The following TENM4 variants were observed in gnomAD, a reference collection of about 807,000 sequenced individuals.
TENM4 encodes the protein teneurin-4.
In TENM4, 82 loss-of-function variants were observed where a neutral mutation model predicts 243.3. The observed-to-expected ratio is 0.34, with a 90% CI of 0.28 to 0.40. The LOEUF is 0.40. Ranked by LOEUF, TENM4 falls within the 10% of genes least tolerant of loss-of-function variation. TENM4 has a pLI of 1.00. For synonymous variants in TENM4, 1,412 were observed against 1,456.3 expected (o/e 0.97, Z 0.69); for missense variants, 3,138 against 3,673.3 (o/e 0.85, Z 3.77).
At chr11:79,348,487 C>G (rs76164233) in intron 1 of TENM4, among the ~76,000 whole-genome samples, 111 of 152,296 alleles carry the variant, frequency 7.3e-4, no homozygotes, top group African/African-American at 2.6e-3. Flanking sequence ...TAGTTACAGA[C>G]AGAATGATTG....
chr11:78,950,979 G>A (rs1009339507), intron 6 of TENM4, among the ~76,000 whole-genome samples: 1 of 152,206 alleles, frequency 6.6e-6, no homozygotes, highest in Non-Finnish European at 1.5e-5. Context: ...GCTGTCCAAA[G>A]GTGTGATCAG....
chr11:79,062,311 C>T (rs1444889211), intron 6 of TENM4, among the ~76,000 whole-genome samples: 1 of 152,170 alleles, frequency 6.6e-6, no homozygotes, highest in Non-Finnish European at 1.5e-5. Context: ...TCCTCTTGCA[C>T]ACCTTCATCT....
chr11:79,164,316 T>C (rs1261458206), intron 3 of TENM4, among the ~76,000 whole-genome samples: 1 of 128,704 alleles, frequency 7.8e-6, no homozygotes, highest in East Asian at 2.2e-4. Context: ...TATATAGATA[T>C]ACTAGTATAT....
chr11:79,304,695 C>T (rs1379373654), intron 1 of TENM4, among the ~76,000 whole-genome samples: 1 of 152,192 alleles, frequency 6.6e-6, no homozygotes, highest in Non-Finnish European at 1.5e-5. Flanking sequence ...TACCAACCTA[C>T]CGTGGCTTAG....
chr11:79,291,678 C>T (rs983712619), intron 2 of TENM4, among the ~76,000 whole-genome samples: 1 of 152,170 alleles, frequency 6.6e-6, no homozygotes, highest in African/African-American at 2.4e-5. Context: ...CTTCAGTGTC[C>T]AGCTTCCAGG....
In TENM4 at chr11:79,098,224, C is replaced by G. The variant is rs538005663; in HGVS notation, c.-65-28215G>C. On this transcript the variant is annotated intron_variant, in intron 4 of 33. Coordinates refer to ENST00000278550, the MANE Select transcript of TENM4 (RefSeq NM_001098816.3). ...GCGGGTCTCTTGTGTCTCCCCCACC[C>G]CCCCCCATCTCCCAGCTCAGTGAGA... Among the ~76,000 whole-genome samples, 421 of 151,534 alleles carry G rather than the reference C, an allele frequency of 2.8e-3. 1 individual carries two copies. Among genetic ancestry groups the G allele is most frequent in the Non-Finnish European group, 5.1e-3 (349 of 67,892 alleles).
chr11:79,129,098 C>A (rs1442733361), intron 4 of TENM4, among the ~76,000 whole-genome samples: 2 of 152,152 alleles, frequency 1.3e-5, no homozygotes, highest in Admixed American at 1.3e-4. Context: ...ACACATACCC[C>A]CACTGGAGAA....
In TENM4 at chr11:78,890,008, G is replaced by C; in HGVS notation, c.861C>G (p.Phe287Leu). 6.5e-7 allele frequency: 1 copy of C among 1,540,432 alleles called. No individual in the cohort carries two copies. The highest frequency in any genetic ancestry group is 8.8e-7 in the Non-Finnish European group (1 of 1,139,074). The change falls in exon 9 of 34, where the codon TTC (phenylalanine) becomes TTG (leucine). Residue 287 changes from phenylalanine (F) to leucine (L), a missense_variant. Phe to Leu is a conservative substitution (Grantham distance 22). This residue lies in a region of TENM4 where 671 missense variants were observed against 614.1 expected (regional missense o/e 1.09). Transcript: ENST00000278550. Reference sequence around the variant, plus strand: ...AGAGCGGGGAGGTGCCTCCAGGCTTGAAGAGGAAGTGCCTGCAGATGGAGA... The same window carrying C: ...AGAGCGGGGAGGTGCCTCCAGGCTTCAAGAGGAAGTGCCTGCAGATGGAGA... The part of the protein sequence containing the change: ...DGAYSDGHFL[F>L]KPGGTSPLFC...
intron 4 of TENM4, among the ~76,000 whole-genome samples, chr11:79,114,418 T>G (rs2156215): frequency 0.88 from 134,448 of 152,260 alleles, 60,191 homozygotes; most frequent in Non-Finnish European, 0.98. Flanking sequence ...CAAATTTTCT[T>G]CAATAAGTAC....
At chr11:78,841,300 C>A (rs1418606975) in intron 12 of TENM4, among the ~76,000 whole-genome samples, 1 of 152,174 alleles carries the variant, frequency 6.6e-6, no homozygotes, top group Non-Finnish European at 1.5e-5. Context: ...CATTCTCTAA[C>A]CACTAAGCCA....
intron 27 of TENM4, among the ~76,000 whole-genome samples, chr11:78,703,277 C>T (rs977030779): frequency 6.6e-6 from 1 of 152,134 alleles, no homozygotes. Flanking sequence ...TGAGCATAAA[C>T]GCAGAATGAC....
chr11:78,706,005 T>C (rs1294430178), intron 27 of TENM4, among the ~76,000 whole-genome samples: 1 of 152,206 alleles, frequency 6.6e-6, no homozygotes, highest in Non-Finnish European at 1.5e-5. Flanking sequence ...ATAATTTCAT[T>C]AAAAAATTCA....
At chr11:79,229,817 G>T (rs1590811571) in intron 2 of TENM4, among the ~76,000 whole-genome samples, 1 of 151,818 alleles carries the variant, frequency 6.6e-6, no homozygotes, top group East Asian at 1.9e-4. Context: ...GATACTGCTG[G>T]AGCATTTCCT....
intron 1 of TENM4, among the ~76,000 whole-genome samples, chr11:79,352,264 G>A (rs1590902185): frequency 1.3e-5 from 2 of 152,228 alleles, no homozygotes. Context: ...AGAGGCATAT[G>A]GTTAGGGGTG....
At chr11:79,284,122 A>G (rs938071536) in intron 2 of TENM4, among the ~76,000 whole-genome samples, 2 of 152,224 alleles carry the variant, frequency 1.3e-5, no homozygotes, top group Admixed American at 6.5e-5. Context: ...TTGGATAAAA[A>G]TATTCCCCAA....
intron 1 of TENM4, among the ~76,000 whole-genome samples, chr11:79,384,419 C>T (rs2135530003): frequency 6.6e-6 from 1 of 152,292 alleles, no homozygotes; most frequent in African/African-American, 2.4e-5. Flanking sequence ...GTCAGGGACA[C>T]CCACTTCCCC....
chr11:78,901,067 T>C (rs939483738), intron 7 of TENM4, among the ~76,000 whole-genome samples: 2 of 152,152 alleles, frequency 1.3e-5, no homozygotes, highest in Non-Finnish European at 2.9e-5. Flanking sequence ...TGAGCGACTC[T>C]GGCAGAGCTC....
chr11:79,070,661 C>T (rs4255563), intron 4 of TENM4, among the ~76,000 whole-genome samples: 77,717 of 151,886 alleles, frequency 0.51, 20,523 homozygotes, highest in Middle Eastern at 0.57. Context: ...TCTAGCACCT[C>T]GAACAAGGGC....
intron 2 of TENM4, among the ~76,000 whole-genome samples, chr11:79,257,833 C>T (rs1855725415): frequency 1.3e-5 from 2 of 152,178 alleles, no homozygotes; most frequent in South Asian, 2.1e-4. Context: ...TCCACAAATG[C>T]TATCATTAAG....
Sources: gnomAD v4.1 joint callset for allele counts (sites outside exome capture counted in the v4.1 genomes callset) on GRCh38, gnomAD v4.1.1 for gene constraint, gnomAD v4.1.1 regional missense constraint, MANE v1.5 for transcripts, NCBI Gene and HGNC (gene_info 2026-07-23, HGNC 2026-07-21) for gene names.